The following NOL4L variants were observed in gnomAD, a reference collection of about 807,000 sequenced individuals.
The protein encoded by NOL4L is nucleolar protein 4-like.
Under a neutral mutation model 64.5 loss-of-function variants are expected in NOL4L, and 7 were observed. The observed-to-expected ratio is 0.11, with a 90% confidence interval of 0.06 to 0.20. The LOEUF (loss-of-function observed/expected upper bound fraction) is 0.20. Among genes scored for constraint, NOL4L ranks in the 10% least tolerant of loss-of-function variants. The pLI is 1.00. For missense variants in NOL4L, 680 were observed against 967.1 expected (o/e 0.70, Z 3.94); for synonymous variants, 413 against 401.0 (o/e 1.03, Z -0.36).
intron 4 of NOL4L, among the ~76,000 whole-genome samples, chr20:32,498,766 T>TAAAAA (rs34083852): frequency 1.4e-4 from 14 of 98,910 alleles, no homozygotes; most frequent in East Asian, 2.7e-4. Flanking sequence ...CCTGTCTCAA[T>TAAAAA]AAAAAAAAAA....
intron 4 of NOL4L, among the ~76,000 whole-genome samples, chr20:32,498,821 TTCAAGA>T (rs2016802902): frequency 6.7e-6 from 1 of 149,410 alleles, no homozygotes; most frequent in Non-Finnish European, 1.5e-5. Context: ...GGCCCAGAAG[TTCAAGA>T]TCAGCCTGGG....
chr20:32,530,806 A>G (rs1287861315), intron 1 of NOL4L, among the ~76,000 whole-genome samples: 3 of 151,482 alleles, frequency 2.0e-5, no homozygotes, highest in Non-Finnish European at 2.9e-5. Flanking sequence ...CTGTAATCCC[A>G]GCTCCTCAGG....
intron 5 of NOL4L, among the ~76,000 whole-genome samples, chr20:32,466,423 G>A (rs987106395): frequency 2.0e-5 from 3 of 152,204 alleles, no homozygotes; most frequent in African/African-American, 4.8e-5. Flanking sequence ...ACCCCTTGGC[G>A]GGCCGGGGCC....
At chr20:32,579,758 A>T (rs1318693304) in intron 1 of NOL4L, among the ~76,000 whole-genome samples, 1 of 152,172 alleles carries the variant, frequency 6.6e-6, no homozygotes. Flanking sequence ...ACCCAGGACC[A>T]TGCCACCCAA....
intron 6 of NOL4L, among the ~76,000 whole-genome samples, chr20:32,454,318 G>C (rs190637828): frequency 4.5e-4 from 69 of 152,350 alleles, no homozygotes; most frequent in Admixed American, 1.0e-3. Context: ...CGTTCAGCAG[G>C]ATGCGTTCCC....
In NOL4L at chr20:32,447,327, G is replaced by C. The variant is rs1382616981; in HGVS notation, c.*269C>G. The C allele has an allele frequency of 1.7e-6, 1 of 604,980 alleles. No individual in the cohort carries two copies. Among genetic ancestry groups the C allele is most frequent in the Non-Finnish European group, 3.0e-6 (1 of 328,744 alleles). 37.5% of individuals were successfully genotyped at this position (604,980 alleles called of 1,614,324 possible). Reference sequence around the variant, plus strand: ...GAGCTGCAGCCCCAGCGCCTTGTCAGGGGAGCCCCCAACCCTTCCAGAGCT... The same window carrying C: ...GAGCTGCAGCCCCAGCGCCTTGTCACGGGAGCCCCCAACCCTTCCAGAGCT... On this transcript the variant is annotated 3_prime_UTR_variant, in exon 11 of 11. Coordinates refer to ENST00000621426, the MANE Select transcript of NOL4L (RefSeq NM_001256798.2).
Position 32,443,171 on chromosome 20 carries a change from A to T in NOL4L, c.*4425T>A, listed in dbSNP as rs2012203362. On this transcript the variant is annotated 3_prime_UTR_variant, in exon 11 of 11. Transcript: ENST00000621426. ...GAAATCAGTGCATTTAGCAAGTAAT[A>T]CCATGGAGATAACAGCTCGATTAAC... 1 of 152,264 alleles carries T rather than the reference A, an allele frequency of 6.6e-6. No individual in the cohort carries two copies. Among genetic ancestry groups the T allele is most frequent in the Admixed American group, 6.5e-5 (1 of 15,288 alleles). The allele number at this position is 152,264 out of a possible 1,614,324, so 9.4% of individuals were successfully genotyped here. A position where few individuals can be genotyped will look rare whatever the true frequency, so the allele number is the denominator to read the frequency against.
chr20:32,447,431 T>TAAAAAAA lies in NOL4L; in HGVS notation c.*164_*165insTTTTTTT, dbSNP rs2012394932. 2 of 286,202 alleles carry TAAAAAAA rather than the reference T, an allele frequency of 7.0e-6. No homozygotes were observed. The highest frequency in any genetic ancestry group is 9.0e-5 in the Admixed American group (1 of 11,056). The allele number at this position is 286,202 out of a possible 1,614,324, so 17.7% of individuals were successfully genotyped here. A position where few individuals can be genotyped will look rare whatever the true frequency, so the allele number is the denominator to read the frequency against. On this transcript the variant is annotated 3_prime_UTR_variant, in exon 11 of 11. Transcript: ENST00000621426. ...AAAAAAAAAAAAAAAAAAAAAAAAGTGTCCTTGTGCCCAAAGTCTCAGGTG... is the reference window on the plus strand; with the variant it reads ...AAAAAAAAAAAAAAAAAAAAAAAAGTAAAAAAAGTCCTTGTGCCCAAAGTCTCAGGTG...
intron 4 of NOL4L, among the ~76,000 whole-genome samples, chr20:32,477,397 G>A (rs969835948): frequency 6.6e-6 from 1 of 152,170 alleles, no homozygotes; most frequent in South Asian, 2.1e-4. Context: ...GTTGGCCCTC[G>A]CCTAGAACCC....
intron 4 of NOL4L, among the ~76,000 whole-genome samples, chr20:32,482,546 A>T (rs1475618696): frequency 6.6e-6 from 1 of 152,022 alleles, no homozygotes; most frequent in Non-Finnish European, 1.5e-5. Flanking sequence ...GGGAGGAGAG[A>T]GAGGGCGGAG....
chr20:32,531,498 G>A (rs780859585), intron 1 of NOL4L, among the ~76,000 whole-genome samples: 9 of 151,748 alleles, frequency 5.9e-5, no homozygotes, highest in Admixed American at 2.6e-4. Context: ...GATTAAAGGC[G>A]CCTGCCACCA....
In NOL4L at chr20:32,495,161, G is replaced by A. The variant is rs2016637222; in HGVS notation, c.699+16186C>T. On this transcript the variant is annotated intron_variant, in intron 4 of 10. Coordinates refer to ENST00000621426, the MANE Select transcript of NOL4L (RefSeq NM_001256798.2). ...ACTCTGAAGGAGGGAAAACTGTCAC[G>A]GCTGCAGCACAAGTGTGCCTGGGCA... Among the ~76,000 whole-genome samples the A allele has an allele frequency of 2.6e-5, 4 of 152,364 alleles. No individual in the cohort carries two copies. The South Asian group carries it at 8.3e-4, about 32-fold the overall frequency.
chr20:32,503,701 T>C (rs2017015726), intron 4 of NOL4L, among the ~76,000 whole-genome samples: 1 of 152,238 alleles, frequency 6.6e-6, no homozygotes. Context: ...AAAGATATGC[T>C]GAGAGCTAGA....
At chr20:32,530,555 G>T (rs2018309873) in intron 1 of NOL4L, among the ~76,000 whole-genome samples, 1 of 148,874 alleles carries the variant, frequency 6.7e-6, no homozygotes, top group African/African-American at 2.5e-5. Context: ...AAAAAAAAAT[G>T]AATATAGCTG....
At chr20:32,459,679 C>T (rs1396653615) in intron 5 of NOL4L, among the ~76,000 whole-genome samples, 1 of 152,164 alleles carries the variant, frequency 6.6e-6, no homozygotes, top group East Asian at 1.9e-4. Flanking sequence ...GCCACCGTGC[C>T]CAGCCTCGGC....
chr20:32,583,960 G>T (rs1213945001), intron 1 of NOL4L, among the ~76,000 whole-genome samples: 1 of 147,712 alleles, frequency 6.8e-6, no homozygotes, highest in Non-Finnish European at 1.5e-5. Context: ...CTGCTCCTGC[G>T]CCAGGCTGCG....
intron 4 of NOL4L, among the ~76,000 whole-genome samples, chr20:32,495,671 G>T (rs960095692): frequency 6.6e-6 from 1 of 152,188 alleles, no homozygotes; most frequent in Non-Finnish European, 1.5e-5. Flanking sequence ...GCAGCATGAA[G>T]AAGTTAGATG....
At chr20:32,457,812 CT>C (rs2013695902) in intron 5 of NOL4L, among the ~76,000 whole-genome samples, 1 of 152,250 alleles carries the variant, frequency 6.6e-6, no homozygotes, top group African/African-American at 2.4e-5. Flanking sequence ...CTGCCCCTCA[CT>C]GGCTGCATCC....
intron 1 of NOL4L, among the ~76,000 whole-genome samples, chr20:32,574,144 G>T (rs1223845345): frequency 2.0e-5 from 3 of 152,236 alleles, no homozygotes; most frequent in African/African-American, 4.8e-5. Context: ...TGTTGCCAGA[G>T]TTGGGATCCA....
Sources: gnomAD v4.1 joint callset for allele counts (sites outside exome capture counted in the v4.1 genomes callset) on GRCh38, gnomAD v4.1.1 for gene constraint, MANE v1.5 for transcripts, NCBI Gene and HGNC (gene_info 2026-07-23, HGNC 2026-07-21) for gene names.